The following PPP6R3 variants were observed in gnomAD, a reference collection of about 807,000 sequenced individuals.
The protein encoded by PPP6R3 is serine/threonine-protein phosphatase 6 regulatory subunit 3.
In PPP6R3, 38 loss-of-function variants were observed where a neutral mutation model predicts 110.7. The observed-to-expected ratio is 0.34, with a 90% confidence interval of 0.26 to 0.45. PPP6R3 has a LOEUF of 0.45. PPP6R3 is among the 20% of genes least tolerant of loss of function. The pLI is 1.00. For synonymous variants in PPP6R3, 369 were observed against 373.5 expected, an observed-to-expected ratio of 0.99 and a Z score of 0.14; for missense variants, 870 against 1,062.4, an observed-to-expected ratio of 0.82 and a Z score of 2.52.
intron 2 of PPP6R3, among the ~76,000 whole-genome samples, chr11:68,526,286 T>G (rs1390829676): frequency 6.6e-6 from 1 of 152,038 alleles, no homozygotes; most frequent in Non-Finnish European, 1.5e-5. Context: ...GACAGGGTCT[T>G]ACTCTGTCAG....
intron 18 of PPP6R3, among the ~76,000 whole-genome samples, chr11:68,591,909 T>G (rs879537719): frequency 5.9e-5 from 9 of 152,212 alleles, no homozygotes; most frequent in Admixed American, 5.2e-4. Context: ...TGCAGGTGTT[T>G]AGACACAGTT....
chr11:68,595,459 G>T (rs998432637), intron 18 of PPP6R3, among the ~76,000 whole-genome samples: 1 of 151,976 alleles, frequency 6.6e-6, no homozygotes, highest in African/African-American at 2.4e-5. Flanking sequence ...CAGGTGGTCT[G>T]CCCGCCTCAG....
chr11:68,479,198 T>C (rs2098877165), intron 1 of PPP6R3, among the ~76,000 whole-genome samples: 1 of 152,148 alleles, frequency 6.6e-6, no homozygotes, highest in Non-Finnish European at 1.5e-5. Context: ...AATTAAAAAA[T>C]AATGCGTGGA....
In PPP6R3 at chr11:68,461,318, T is replaced by G. The variant is rs370971422; in HGVS notation, c.-158+491T>G. Among the ~76,000 whole-genome samples, 29 of 152,252 alleles carry G rather than the reference T, an allele frequency of 1.9e-4. No individual in the cohort carries two copies. In the East Asian group the frequency reaches 1.9e-3, roughly 10 times the overall value. ...AGAGTCGCGAAGACCATTGTTGGAC[T>G]CTGCTCTTCGGGAAACAAGTTTTGT... On this transcript the variant is annotated intron_variant, in intron 1 of 23. Coordinates refer to ENST00000393800, the MANE Select transcript of PPP6R3 (RefSeq NM_001164161.2).
chr11:68,545,712 G>A (rs10896341), intron 4 of PPP6R3, among the ~76,000 whole-genome samples: 35,006 of 152,184 alleles, frequency 0.23, 4,277 homozygotes, highest in Middle Eastern at 0.32. Context: ...TGAGAGATGG[G>A]CCCAGCAGTC....
intron 1 of PPP6R3, among the ~76,000 whole-genome samples, chr11:68,470,119 G>A (rs78505273): frequency 5.7e-4 from 87 of 152,288 alleles, no homozygotes; most frequent in African/African-American, 2.0e-3. Flanking sequence ...CAGATGAAAA[G>A]TCCTTGTTTT....
At chr11:68,488,416 C>G (rs1269796395) in intron 1 of PPP6R3, among the ~76,000 whole-genome samples, 1 of 152,174 alleles carries the variant, frequency 6.6e-6, no homozygotes, top group Non-Finnish European at 1.5e-5. Flanking sequence ...TCAAGCAGTC[C>G]TCCTATCTCG....
intron 2 of PPP6R3, among the ~76,000 whole-genome samples, chr11:68,537,168 A>G (rs895609271): frequency 3.3e-5 from 5 of 152,196 alleles, no homozygotes; most frequent in Non-Finnish European, 5.9e-5. Context: ...TTTTAGTAGT[A>G]TATTAAGAAT....
intron 1 of PPP6R3, among the ~76,000 whole-genome samples, chr11:68,513,281 T>G (rs1268613904): frequency 6.6e-6 from 1 of 152,170 alleles, no homozygotes; most frequent in Non-Finnish European, 1.5e-5. Context: ...AGTTCTGTCT[T>G]GCTGGAGAAG....
intron 11 of PPP6R3, 57 bp downstream of exon 11, chr11:68,569,954 A>G: frequency 6.7e-7 from 1 of 1,498,284 alleles, no homozygotes; most frequent in Non-Finnish European, 9.1e-7. Context: ...GCAGTTTTCC[A>G]CTTGACTGTG....
chr11:68,500,855 T>G (rs773434279), intron 1 of PPP6R3, among the ~76,000 whole-genome samples: 1 of 152,208 alleles, frequency 6.6e-6, no homozygotes, highest in Non-Finnish European at 1.5e-5. Flanking sequence ...TAAACTGAAA[T>G]TTTTAAGGGC....
In PPP6R3 at chr11:68,528,430, G is replaced by T. The variant is rs533311444; in HGVS notation, c.-7+8779G>T. Among the ~76,000 whole-genome samples the T allele has an allele frequency of 1.6e-3, 57 of 36,442 alleles. 1 individual carries two copies. Among genetic ancestry groups the T allele is most frequent in the Non-Finnish European group, 8.5e-4 (14 of 16,544 alleles). The allele number at this position is 36,442 out of a possible 152,430, so 23.9% of individuals were successfully genotyped here. A position where few individuals can be genotyped will look rare whatever the true frequency, so the allele number is the denominator to read the frequency against. ...ACCTGATATTTGATTTAATTTGTGT[G>T]TGTGGGGGGGGGGGCTGCACCTTTA... On this transcript the variant is annotated intron_variant, in intron 2 of 23. Transcript: ENST00000393800.
intron 22 of PPP6R3, among the ~76,000 whole-genome samples, chr11:68,606,203 T>G (rs879780449): frequency 3.9e-4 from 59 of 152,372 alleles, no homozygotes; most frequent in Non-Finnish European, 7.1e-4. Context: ...CATTTGATTT[T>G]TTTTATAAGG....
At chr11:68,474,914 TTTTTTA>T (rs1013415558) in intron 1 of PPP6R3, among the ~76,000 whole-genome samples, 1 of 152,190 alleles carries the variant, frequency 6.6e-6, no homozygotes. Context: ...TTTTTTTATT[TTTTTTA>T]TTTTTATTTT....
chr11:68,494,004 G>T (rs1250621913), intron 1 of PPP6R3, among the ~76,000 whole-genome samples: 4 of 151,058 alleles, frequency 2.6e-5, no homozygotes, highest in African/African-American at 9.7e-5. Context: ...TCTGGAGGCT[G>T]AGGCAGGAGA....
chr11:68,509,874 C>G (rs192074913), intron 1 of PPP6R3, among the ~76,000 whole-genome samples: 2 of 150,982 alleles, frequency 1.3e-5, no homozygotes, highest in Admixed American at 6.6e-5. Flanking sequence ...CTCTGCCTCC[C>G]GAGTAGCTGG....
chr11:68,615,127 G>A lies in PPP6R3; in HGVS notation c.*2010G>A, dbSNP rs1243296174. ...GCATCATTTTGTTTTGTCTTTCGTA[G>A]CAGGGAAAGGATATGACAATGGGGA... On this transcript the variant is annotated 3_prime_UTR_variant, in exon 24 of 24. Transcript: ENST00000393800. The A allele has an allele frequency of 1.1e-5, 5 of 458,196 alleles. No homozygotes were observed. The highest frequency in any genetic ancestry group is 1.3e-5 in the Non-Finnish European group (3 of 228,412). 28.4% of individuals were successfully genotyped at this position (458,196 alleles called of 1,614,324 possible).
At chr11:68,531,326 T>TATTTATTTA (rs1369878068) in intron 2 of PPP6R3, among the ~76,000 whole-genome samples, 1 of 149,766 alleles carries the variant, frequency 6.7e-6, no homozygotes, top group Non-Finnish European at 1.5e-5. Flanking sequence ...TTTATTTATT[T>TATTTATTTA]ATTTATTTAT....
intron 1 of PPP6R3, among the ~76,000 whole-genome samples, chr11:68,482,472 T>C (rs899145761): frequency 1.2e-4 from 18 of 151,844 alleles, no homozygotes; most frequent in Non-Finnish European, 2.1e-4. Flanking sequence ...AATTTGAAAT[T>C]GTGGAGTGTT....
Sources: allele counts gnomAD v4.1 joint callset (sites outside exome capture counted in the v4.1 genomes callset), GRCh38; gene constraint gnomAD v4.1.1; transcripts MANE v1.5; gene names NCBI Gene and HGNC (gene_info 2026-07-23, HGNC 2026-07-21).